Variants in LITAF observed in about 807,000 individuals in gnomAD.
LITAF encodes the protein lipopolysaccharide-induced tumor necrosis factor-alpha factor.
LITAF carries 9 observed loss-of-function variants against 14.5 expected under a neutral mutation model. That is an observed-to-expected ratio of 0.62 (90% CI 0.37 to 1.08). LITAF has a LOEUF of 1.08. Among genes scored for constraint, LITAF ranks in the 50% least tolerant of loss-of-function variants. The pLI is 0.01. For synonymous variants in LITAF, 98 were observed against 88.2 expected (o/e 1.11, Z -0.62); for missense variants, 206 against 213.4 (o/e 0.97, Z 0.22).
chr16:11,553,864 C>T lies in LITAF; in HGVS notation c.221-175G>A. The stretch of plus-strand genomic sequence containing the variant: ...ATGAGAGCCAAAAGGGGAAGGAACA[C>T]CAGTGTCCATCGACGGACCAATAAA... On this transcript the variant is annotated intron_variant, in intron 2 of 3. Coordinates refer to ENST00000622633, the MANE Select transcript of LITAF (RefSeq NM_001136472.2). This position sits in a 1 kb window ranked among gnomAD's most constrained non-coding sequence, Gnocchi z 7.7. The T allele has an allele frequency of 1.5e-6, 1 of 675,238 alleles. No individual in the cohort carries two copies. Among genetic ancestry groups the T allele is most frequent in the Non-Finnish European group, 2.6e-6 (1 of 387,552 alleles). The allele number at this position is 675,238 out of a possible 1,614,324, so 41.8% of individuals were successfully genotyped here.
chr16:11,573,681 T>C (rs2064581768), intron 1 of LITAF, among the ~76,000 whole-genome samples: 1 of 150,312 alleles, frequency 6.7e-6, no homozygotes, highest in Non-Finnish European at 1.5e-5. Flanking sequence ...CATTTGTGTA[T>C]GGTGAGAGAA....
At position 11,549,264 on chromosome 16, in the gene LITAF, G is replaced by T. The variant is rs1168125208; in HGVS notation, c.*373C>A. On this transcript the variant is annotated 3_prime_UTR_variant, in exon 4 of 4. Coordinates refer to ENST00000622633, the MANE Select transcript of LITAF (RefSeq NM_001136472.2). The surrounding 1 kb of genome is among the most constrained non-coding windows in gnomAD (Gnocchi z 4.6). ...AAAATAAGGCAACTGTGGCTTCTCAGTTTGAGACTGCCACCAGAAAGGCCC... is the reference window on the plus strand; with the variant it reads ...AAAATAAGGCAACTGTGGCTTCTCATTTTGAGACTGCCACCAGAAAGGCCC... 4.6e-6 allele frequency: 2 copies of T among 438,086 alleles called. No individual in the cohort carries two copies. The highest frequency in any genetic ancestry group is 7.0e-5 in the East Asian group (1 of 14,198). 27.1% of individuals were successfully genotyped at this position (438,086 alleles called of 1,614,324 possible).
At chr16:11,579,545 A>G (rs8052255) in intron 1 of LITAF, among the ~76,000 whole-genome samples, 3,712 of 113,620 alleles carry the variant, frequency 0.033, 279 homozygotes, top group African/African-American at 0.095. Context: ...AATGCAATGT[A>G]GTACCCTAGG....
chr16:11,638,010 A>G (rs1211615388), upstream of LITAF, among the ~76,000 whole-genome samples: 5 of 113,838 alleles, frequency 4.4e-5, no homozygotes, highest in Non-Finnish European at 4.8e-5. Flanking sequence ...ATATCTATAT[A>G]TATCTATATA....
chr16:11,595,682 T>TC (rs1247596756), intron 1 of LITAF, among the ~76,000 whole-genome samples: 1 of 152,110 alleles, frequency 6.6e-6, no homozygotes, highest in African/African-American at 2.4e-5. Context: ...TGAGCTGAGA[T>TC]CGTGCCACTG....
chr16:11,553,683 A>T lies in LITAF; in HGVS notation c.227T>A (p.Val76Glu). Reference protein sequence around the residue: ...APIPNNNPITVQTVYVQHPIT... With the variant: ...APIPNNNPITEQTVYVQHPIT... The stretch of plus-strand genomic sequence containing the variant: ...GGGGTGCTGCACGTAGACCGTCTGC[A>T]CGGTAACTGATGAAAGGGAGAGGGA... Residue 76 changes from valine (V) to glutamate (E), a missense_variant, in exon 3 of 4, where the codon GTG (valine) becomes GAG (glutamate). Physicochemically the swap from Val to Glu is moderately radical, Grantham distance 121. Coordinates refer to ENST00000622633, the MANE Select transcript of LITAF (RefSeq NM_001136472.2). This position sits in a 1 kb window ranked among gnomAD's most constrained non-coding sequence, Gnocchi z 7.7. 6.2e-7 allele frequency: 1 copy of T among 1,614,154 alleles called. No individual in the cohort carries two copies.
chr16:11,556,811 T>C, intron 1 of LITAF, 76 bp from the exon 2 acceptor site: 1 of 1,276,922 alleles, frequency 7.8e-7, no homozygotes, highest in Non-Finnish European at 1.1e-6. Flanking sequence ...AGTCTTCAAT[T>C]TTCTTTCTGG....
intron 1 of LITAF, among the ~76,000 whole-genome samples, chr16:11,581,278 A>C (rs1198045225): frequency 6.6e-6 from 1 of 152,232 alleles, no homozygotes; most frequent in Non-Finnish European, 1.5e-5. Context: ...TACATAGGCC[A>C]AGAGTAAGAA....
intron 1 of LITAF, among the ~76,000 whole-genome samples, chr16:11,592,826 A>T (rs1475578938): frequency 6.6e-6 from 1 of 152,098 alleles, no homozygotes; most frequent in Non-Finnish European, 1.5e-5. Flanking sequence ...ACTTGAGGTC[A>T]GGAGTTTGAG....
In LITAF at chr16:11,548,252, G is replaced by A. The variant is rs1177238205; in HGVS notation, c.*1385C>T. The A allele has an allele frequency of 1.1e-5, 5 of 453,890 alleles. No homozygotes were observed. The highest frequency in any genetic ancestry group is 2.4e-5 in the Admixed American group (1 of 42,538). The allele number at this position is 453,890 out of a possible 1,614,324, so 28.1% of individuals were successfully genotyped here. A position where few individuals can be genotyped will look rare whatever the true frequency, so the allele number is the denominator to read the frequency against. ...ATCAAAACGAGGACCCTTGAAGGTC[G>A]AGCCCAGCTTTGTCTTGACTTCAAA... On this transcript the variant is annotated 3_prime_UTR_variant, in exon 4 of 4. Transcript: ENST00000622633.
chr16:11,585,890 T>C, intron 1 of LITAF, among the ~76,000 whole-genome samples: 1 of 152,046 alleles, frequency 6.6e-6, no homozygotes, highest in East Asian at 1.9e-4. Context: ...TGACATCAGC[T>C]CCACTGTCGG....
At chr16:11,637,400 G>A (rs1372477001), upstream of LITAF, among the ~76,000 whole-genome samples, 1 of 152,226 alleles carries the variant, frequency 6.6e-6, no homozygotes, top group African/African-American at 2.4e-5. Context: ...CTTCAGTGCT[G>A]GGGCAGAACT....
intron 1 of LITAF, among the ~76,000 whole-genome samples, chr16:11,564,938 A>G (rs925802785): frequency 2.6e-5 from 4 of 151,444 alleles, no homozygotes; most frequent in African/African-American, 9.7e-5. Context: ...GATGATGAAA[A>G]TGTTCTGGAA....
chr16:11,633,727 T>A (rs1833254), intron 2 of LITAF: 25 of 152,074 alleles, frequency 1.6e-4, no homozygotes, highest in Admixed American at 1.2e-3. Flanking sequence ...CGACCAGCAG[T>A]CCTCACATGG....
At chr16:11,592,998 G>A (rs549215358) in intron 1 of LITAF, among the ~76,000 whole-genome samples, 31 of 152,096 alleles carry the variant, frequency 2.0e-4, no homozygotes, top group East Asian at 7.8e-4. Context: ...GTGAAACCCC[G>A]TCTGTACTAA....
chr16:11,599,844 TC>T (rs1421804359), upstream of LITAF, among the ~76,000 whole-genome samples: 5 of 152,116 alleles, frequency 3.3e-5, no homozygotes, highest in African/African-American at 1.2e-4. Context: ...ACTGCAGGCA[TC>T]CCAGGTATCT....
upstream of LITAF, among the ~76,000 whole-genome samples, chr16:11,603,373 G>C (rs2064938397): frequency 1.3e-5 from 2 of 152,196 alleles, no homozygotes; most frequent in Admixed American, 6.5e-5. Flanking sequence ...AGGTGAAAAA[G>C]ACCAAATCCC....
chr16:11,603,924 G>A (rs1398788656), intron 3 of LITAF, among the ~76,000 whole-genome samples: 1 of 152,130 alleles, frequency 6.6e-6, no homozygotes, highest in East Asian at 1.9e-4. Flanking sequence ...GCGGGCGCCT[G>A]TAGTCCCAGC....
At chr16:11,563,930 A>G (rs1428548949) in intron 1 of LITAF, among the ~76,000 whole-genome samples, 1 of 152,046 alleles carries the variant, frequency 6.6e-6, no homozygotes, top group Non-Finnish European at 1.5e-5. Flanking sequence ...TGTTTGAGAC[A>G]GAGTCTCACT....
Sources: allele counts gnomAD v4.1 joint callset (sites outside exome capture counted in the v4.1 genomes callset), GRCh38; gene constraint gnomAD v4.1.1; non-coding constraint Gnocchi (gnomAD v3.1); transcripts MANE v1.5; gene names NCBI Gene and HGNC (gene_info 2026-07-23, HGNC 2026-07-21).